The following CFAP58 variants were observed in gnomAD, a reference collection of about 807,000 sequenced individuals.
The protein encoded by CFAP58 is cilia- and flagella-associated protein 58.
In CFAP58, 88 loss-of-function variants were observed where a neutral mutation model predicts 119.5. The observed-to-expected ratio is 0.74, with a 90% confidence interval of 0.62 to 0.88. The LOEUF (loss-of-function observed/expected upper bound fraction) is 0.88, where lower values mean the gene tolerates loss of function less well. CFAP58 is among the 40% of genes least tolerant of loss of function. The pLI is 0.00. For synonymous variants in CFAP58, 365 were observed against 366.3 expected (o/e 1.00, Z 0.04); for missense variants, 990 against 1,021.2 (o/e 0.97, Z 0.42).
At position 104,376,817 on chromosome 10, in the gene CFAP58, A is replaced by G; in HGVS notation, c.1097A>G (p.Glu366Gly). Residue 366 changes from glutamate to glycine, a missense_variant, in exon 8 of 18, where the codon GAG (glutamate) becomes GGG (glycine). Coordinates refer to ENST00000369704, the MANE Select transcript of CFAP58 (RefSeq NM_001008723.2). ...TTTCTCCCTGGGGATTCAGAGGTAG[A>G]GGCTTCAAAGAAACAAGCAGAACTT... ...NQIVGLEREV[E>G]ASKKQAELDR... The G allele has an allele frequency of 1.2e-6, 2 of 1,612,996 alleles. No homozygotes were observed. The highest frequency in any genetic ancestry group is 1.7e-6 in the Non-Finnish European group (2 of 1,179,288).
At chr10:104,407,344 C>T (rs143792580) in intron 15 of CFAP58, among the ~76,000 whole-genome samples, 105 of 152,340 alleles carry the variant, frequency 6.9e-4, no homozygotes, top group African/African-American at 2.4e-3. Flanking sequence ...TCACTTACTG[C>T]ATGCCAGATA....
chr10:104,393,752 T>G (rs2012099976), intron 11 of CFAP58, among the ~76,000 whole-genome samples: 1 of 152,142 alleles, frequency 6.6e-6, no homozygotes, highest in African/African-American at 2.4e-5. Context: ...CTATCATACA[T>G]CAGTGGGAGA....
At chr10:104,378,811 A>C (rs1423093442) in intron 8 of CFAP58, among the ~76,000 whole-genome samples, 2 of 152,164 alleles carry the variant, frequency 1.3e-5, no homozygotes, top group South Asian at 4.2e-4. Flanking sequence ...TTGCATGAGC[A>C]TGGCTGCCAG....
intron 15 of CFAP58, among the ~76,000 whole-genome samples, chr10:104,435,459 G>C (rs2012917901): frequency 6.6e-6 from 1 of 152,322 alleles, no homozygotes; most frequent in South Asian, 2.1e-4. Context: ...TCCAGCCTGG[G>C]TGACAGAGTG....
Position 104,364,816 on chromosome 10 carries a change from C to G in CFAP58, c.524C>G (p.Ser175Cys). The change falls in exon 4 of 18, where the codon TCC (serine) becomes TGC (cysteine). Residue 175 changes from serine to cysteine, a missense_variant. By Grantham distance (112) the Ser-to-Cys change is moderately radical. Coordinates refer to ENST00000369704, the MANE Select transcript of CFAP58 (RefSeq NM_001008723.2). ...LLSEVVKLRE[S>C]LAQTTEQQQE... The stretch of plus-strand genomic sequence containing the variant: ...TCAGAAGTGGTAAAATTACGAGAAT[C>G]CCTAGCTCAGACCACTGAACAGCAG... 6.2e-7 allele frequency: 1 copy of G among 1,612,756 alleles called. No individual in the cohort carries two copies. The highest frequency in any genetic ancestry group is 8.5e-7 in the Non-Finnish European group (1 of 1,179,486).
intron 16 of CFAP58, 45 bp downstream of exon 16, chr10:104,447,862 C>G: frequency 1.9e-6 from 3 of 1,547,226 alleles, no homozygotes; most frequent in East Asian, 2.4e-5. Flanking sequence ...GGCAGCCACA[C>G]TCTGGGGAGC....
chr10:104,371,702 C>T (rs1176086911), intron 7 of CFAP58, among the ~76,000 whole-genome samples: 1 of 152,206 alleles, frequency 6.6e-6, no homozygotes, highest in Non-Finnish European at 1.5e-5. Flanking sequence ...TGGGCACTGC[C>T]TGGCACACAC....
intron 15 of CFAP58, among the ~76,000 whole-genome samples, chr10:104,443,944 C>G (rs2013076392): frequency 6.6e-6 from 1 of 152,198 alleles, no homozygotes; most frequent in South Asian, 2.1e-4. Context: ...AGATTCTTCA[C>G]AGCAAAAGAA....
At chr10:104,360,073 C>T (rs1182160122) in intron 2 of CFAP58, among the ~76,000 whole-genome samples, 2 of 152,158 alleles carry the variant, frequency 1.3e-5, no homozygotes, top group Admixed American at 6.5e-5. Context: ...ATAGTGACCA[C>T]GAATTTGTTA....
At chr10:104,401,204 A>G (rs1211002248) in intron 13 of CFAP58, among the ~76,000 whole-genome samples, 1 of 152,144 alleles carries the variant, frequency 6.6e-6, no homozygotes, top group Non-Finnish European at 1.5e-5. Flanking sequence ...ATTAGTTACA[A>G]TTCAGAAATT....
chr10:104,398,022 T>C (rs1308418382), intron 11 of CFAP58, among the ~76,000 whole-genome samples: 1 of 152,234 alleles, frequency 6.6e-6, no homozygotes, highest in Non-Finnish European at 1.5e-5. Flanking sequence ...CCAGGTACTT[T>C]ATAGTTTGCA....
At position 104,380,030 on chromosome 10, in the gene CFAP58, A is replaced by G. The variant is rs2011750919; in HGVS notation, c.1175A>G (p.Asn392Ser). 1.2e-6 allele frequency: 2 copies of G among 1,609,986 alleles called. No individual in the cohort carries two copies. Among genetic ancestry groups the G allele is most frequent in the East Asian group, 4.5e-5 (2 of 44,848 alleles). The change falls in exon 9 of 18, where the codon AAC becomes AGC. Residue 392 changes from asparagine (N) to serine (S), a missense_variant and splice_region_variant. By Grantham distance (46) the Asn-to-Ser change is conservative. Coordinates refer to ENST00000369704, the MANE Select transcript of CFAP58 (RefSeq NM_001008723.2). ...ACTGCTTTGTGCCCTTATTTTTAGA[A>G]CATGCTTAAGGCGGTCAATGCGACC... ...LLRERDILNK[N>S]MLKAVNATQK... is the part of the protein sequence containing the mutation.
intron 9 of CFAP58, among the ~76,000 whole-genome samples, chr10:104,383,753 A>AACACAC (rs59181888): frequency 0.015 from 2,117 of 145,930 alleles, 31 homozygotes; most frequent in African/African-American, 0.044. Context: ...TTTACTGTCC[A>AACACAC]ACACACACAC....
intron 15 of CFAP58, among the ~76,000 whole-genome samples, chr10:104,442,910 G>A (rs931330471): frequency 2.0e-5 from 3 of 152,314 alleles, no homozygotes; most frequent in African/African-American, 7.2e-5. Context: ...AGATGTTATT[G>A]AATGGTTTAA....
At chr10:104,339,093 A>G in the CFAP58 span, among the ~76,000 whole-genome samples, 1 of 151,960 alleles carries the variant, frequency 6.6e-6, no homozygotes, top group Admixed American at 6.6e-5. Context: ...TTTTTAGTAG[A>G]GAAGGTGTTT....
At chr10:104,404,771 G>A (rs1041518539) in intron 14 of CFAP58, among the ~76,000 whole-genome samples, 9 of 152,070 alleles carry the variant, frequency 5.9e-5, no homozygotes, top group Admixed American at 1.3e-4. Flanking sequence ...CACCATGCCC[G>A]GCTAATTTTT....
chr10:104,431,765 T>C (rs539293626), intron 15 of CFAP58, among the ~76,000 whole-genome samples: 2 of 152,342 alleles, frequency 1.3e-5, no homozygotes, highest in South Asian at 4.1e-4. Context: ...GTGCTTTTAC[T>C]GCAAATAGAT....
At chr10:104,377,466 A>C (rs554183622) in intron 8 of CFAP58, among the ~76,000 whole-genome samples, 1 of 152,242 alleles carries the variant, frequency 6.6e-6, no homozygotes, top group Non-Finnish European at 1.5e-5. Flanking sequence ...TTCTCCATTA[A>C]ATGTAGGACC....
intron 15 of CFAP58, among the ~76,000 whole-genome samples, chr10:104,433,867 C>A (rs2133082284): frequency 6.6e-6 from 1 of 152,312 alleles, no homozygotes; most frequent in East Asian, 1.9e-4. Context: ...GCTTAAGATC[C>A]TTTCCTTATG....
Sources: gnomAD v4.1 joint callset for allele counts (sites outside exome capture counted in the v4.1 genomes callset) on GRCh38, gnomAD v4.1.1 for gene constraint, MANE v1.5 for transcripts, NCBI Gene and HGNC (gene_info 2026-07-23, HGNC 2026-07-21) for gene names.